Variants in CHD5 observed in about 807,000 individuals in gnomAD.
The protein encoded by CHD5 is chromodomain helicase DNA binding protein 5, also known as ATP-dependent chromatin remodeler CHD5.
In CHD5, 69 loss-of-function variants were observed where a neutral mutation model predicts 230.3. The observed-to-expected ratio is 0.30, with a 90% CI of 0.25 to 0.37. The LOEUF (loss-of-function observed/expected upper bound fraction) is 0.37, where lower values mean the gene tolerates loss of function less well. Among genes scored for constraint, CHD5 ranks in the 10% least tolerant of loss-of-function variants. The pLI is 1.00. For missense variants in CHD5, 1,827 were observed against 2,622.8 expected (o/e 0.70, Z 6.63); for synonymous variants, 1,064 against 1,065.9 (o/e 1.00, Z 0.03).
Position 6,154,369 on chromosome 1 carries a change from C to T in CHD5, c.745+291G>A, listed in dbSNP as rs768400809. ...TGGTCCCGCCCTCCCTCCAGGCCCACGTCGGGGGCACCTCCTGGCTGGCCA... is the reference window on the plus strand; with the variant it reads ...TGGTCCCGCCCTCCCTCCAGGCCCATGTCGGGGGCACCTCCTGGCTGGCCA... On this transcript the variant is annotated intron_variant, in intron 5 of 41. Coordinates refer to ENST00000262450, the MANE Select transcript of CHD5 (RefSeq NM_015557.3). This position sits in a 1 kb window ranked among gnomAD's most constrained non-coding sequence, Gnocchi z 7.0. Among the ~76,000 whole-genome samples the T allele has an allele frequency of 7.2e-5, 11 of 152,322 alleles. No individual in the cohort carries two copies. The highest frequency in any genetic ancestry group is 2.2e-4 in the African/African-American group (9 of 41,572).
rs1468054556 is a variant in CHD5, at chr1:6,134,093, T to C, written c.3144+35A>G. The C allele has an allele frequency of 2.1e-6, 3 of 1,419,136 alleles. No homozygotes were observed. The highest frequency in any genetic ancestry group is 2.8e-5 in the East Asian group (1 of 36,194). 87.9% of individuals were successfully genotyped at this position (1,419,136 alleles called of 1,614,324 possible). On this transcript the variant is annotated intron_variant, in intron 20 of 41. Coordinates refer to ENST00000262450, the MANE Select transcript of CHD5 (RefSeq NM_015557.3). The surrounding 1 kb of genome is among the most constrained non-coding windows in gnomAD (Gnocchi z 6.3). ...AGGGCAGGATGCTCTCTGTGGGGTG[T>C]GGAGCCGGGGCGGGGGTGGGCAGGG...
intron 33 of CHD5, among the ~76,000 whole-genome samples, chr1:6,117,550 A>G (rs923048248): frequency 2.6e-5 from 4 of 152,324 alleles, no homozygotes; most frequent in Non-Finnish European, 5.9e-5. Context: ...TGTCTCTAAA[A>G]GTATTGATTA....
At position 6,125,332 on chromosome 1, in the gene CHD5, T is replaced by A; in HGVS notation, c.4261-99A>T. ...AGAAAAGCATGGGAGGAGGAGAAGG[T>A]AGGAAGGGGGCACAGAGAAGGCAGG... On this transcript the variant is annotated intron_variant, in intron 28 of 41. Coordinates refer to ENST00000262450, the MANE Select transcript of CHD5 (RefSeq NM_015557.3). This position sits in a 1 kb window ranked among gnomAD's most constrained non-coding sequence, Gnocchi z 6.7. 3 of 1,121,730 alleles carry A rather than the reference T, an allele frequency of 2.7e-6. No individual in the cohort carries two copies. The highest frequency in any genetic ancestry group is 2.5e-6 in the Non-Finnish European group (2 of 792,418). The allele number at this position is 1,121,730 out of a possible 1,614,324, so 69.5% of individuals were successfully genotyped here.
At chr1:6,174,169 G>C (rs1005515437) in intron 1 of CHD5, among the ~76,000 whole-genome samples, 1 of 151,958 alleles carries the variant, frequency 6.6e-6, no homozygotes, top group Non-Finnish European at 1.5e-5. Flanking sequence ...AAAACGGCCA[G>C]ACAGAAAGGG....
intron 38 of CHD5, among the ~76,000 whole-genome samples, chr1:6,108,740 A>G: frequency 7.4e-6 from 1 of 135,408 alleles, no homozygotes; most frequent in African/African-American, 2.8e-5. Context: ...GATGATGGAG[A>G]GACAGAGGGA....
chr1:6,162,110 G>A (rs185065133), intron 2 of CHD5, among the ~76,000 whole-genome samples: 71 of 152,230 alleles, frequency 4.7e-4, no homozygotes, highest in African/African-American at 1.2e-3. Context: ...GGCTGGGCGC[G>A]GTGACTCACG....
At chr1:6,122,677 T>C (rs1333554734) in intron 31 of CHD5, among the ~76,000 whole-genome samples, 2 of 152,094 alleles carry the variant, frequency 1.3e-5, no homozygotes, top group African/African-American at 4.8e-5. Flanking sequence ...CGCAAAAACA[T>C]AAAACACAGC....
Position 6,121,750 on chromosome 1 carries a change from G to A in CHD5, c.4700-177C>T, listed in dbSNP as rs2746061. Among the ~76,000 whole-genome samples, 168 of 152,314 alleles carry A rather than the reference G, an allele frequency of 1.1e-3. No individual in the cohort carries two copies. The highest frequency in any genetic ancestry group is 3.4e-3 in the Middle Eastern group (1 of 294). Reference sequence around the variant, plus strand: ...GGCTAAGTCAGAGAGGCCAGGCCAGGCCTTTGACTCAGGAGTGCTTGGAGG... The same window carrying A: ...GGCTAAGTCAGAGAGGCCAGGCCAGACCTTTGACTCAGGAGTGCTTGGAGG... On this transcript the variant is annotated intron_variant, in intron 31 of 41. Transcript: ENST00000262450. The surrounding 1 kb of genome is among the most constrained non-coding windows in gnomAD (Gnocchi z 4.5).
chr1:6,156,511 G>C (rs1667083218), intron 3 of CHD5, among the ~76,000 whole-genome samples: 1 of 148,608 alleles, frequency 6.7e-6, no homozygotes, highest in Non-Finnish European at 1.5e-5. Context: ...ACTCCAGCCT[G>C]GGTGACAGAG....
chr1:6,174,537 A>C (rs1350971908), intron 1 of CHD5, among the ~76,000 whole-genome samples: 1 of 133,310 alleles, frequency 7.5e-6, no homozygotes, highest in African/African-American at 3.3e-5. Flanking sequence ...GGATGGATGG[A>C]TGGCAGATGG....
At chr1:6,179,306 G>A (rs1212374600) in intron 1 of CHD5, among the ~76,000 whole-genome samples, 1 of 152,162 alleles carries the variant, frequency 6.6e-6, no homozygotes, top group Admixed American at 6.5e-5. Flanking sequence ...CGGCGGCCCG[G>A]GTAAAGTGCT....
Position 6,116,935 on chromosome 1 carries a change from CTG to C in CHD5, c.4913-3939_4913-3938del, listed in dbSNP as rs1264066419. ...ACAAATTTGGGAAAGTAAAAACAAA[CTG>C]AAACTAAAATACTGGGCAACAGCAT... On this transcript the variant is annotated intron_variant, in intron 33 of 41. Coordinates refer to ENST00000262450, the MANE Select transcript of CHD5 (RefSeq NM_015557.3). Among the ~76,000 whole-genome samples the C allele has an allele frequency of 2.6e-5, 4 of 152,236 alleles. No homozygotes were observed. The East Asian group carries it at 7.7e-4, about 29-fold the overall frequency.
chr1:6,152,625 T>A, intron 5 of CHD5, 89 bp from the exon 6 acceptor site: 1 of 1,589,332 alleles, frequency 6.3e-7, no homozygotes, highest in Admixed American at 1.7e-5. Flanking sequence ...GGTTACCCAA[T>A]AAGGAAAGGG....
intron 9 of CHD5, among the ~76,000 whole-genome samples, chr1:6,147,479 T>C (rs1385383053): frequency 6.6e-6 from 1 of 152,156 alleles, no homozygotes; most frequent in African/African-American, 2.4e-5. Flanking sequence ...AGGGTGACAG[T>C]GAGCTGCTGG....
chr1:6,128,407 G>GT lies in CHD5; in HGVS notation c.3730+91_3730+92insA, dbSNP rs376448642. On this transcript the variant is annotated intron_variant, in intron 24 of 41. Transcript: ENST00000262450. The surrounding 1 kb of genome is among the most constrained non-coding windows in gnomAD (Gnocchi z 7.8). ...GCCGCCCACCTGGCAGTCCCAGGAC[G>GT]CCCAAGTGAGGGCAGGTCAGGGAAC... 9.1e-4 allele frequency: 1,090 copies of GT among 1,196,522 alleles called. 7 individuals carry two copies. The African/African-American group carries it at 0.014, about 15-fold the overall frequency. 74.1% of individuals were successfully genotyped at this position (1,196,522 alleles called of 1,614,324 possible). A position where few individuals can be genotyped will look rare whatever the true frequency, so the allele number is the denominator to read the frequency against.
In CHD5 at chr1:6,131,171, A is replaced by C. The variant is rs1211772905; in HGVS notation, c.3262+460T>G. The stretch of plus-strand genomic sequence containing the variant: ...CACCGGCAAGACCCTCCTGACCTCC[A>C]CCCTCGCCTCTCCTTCCCAGGCAGG... On this transcript the variant is annotated intron_variant, in intron 21 of 41. Coordinates refer to ENST00000262450, the MANE Select transcript of CHD5 (RefSeq NM_015557.3). The surrounding 1 kb of genome is among the most constrained non-coding windows in gnomAD (Gnocchi z 5.0). Among the ~76,000 whole-genome samples the C allele has an allele frequency of 6.6e-6, 1 of 151,746 alleles. No individual in the cohort carries two copies. The highest frequency in any genetic ancestry group is 1.5e-5 in the Non-Finnish European group (1 of 67,962).
intron 20 of CHD5, among the ~76,000 whole-genome samples, chr1:6,133,505 T>C (rs1327003428): frequency 6.6e-6 from 1 of 152,130 alleles, no homozygotes; most frequent in Non-Finnish European, 1.5e-5. Context: ...AGAGGAGCAT[T>C]TTTAGCCCCA....
rs1272898345 is a variant in CHD5 at position 6,154,071 on chromosome 1, A to G, written c.745+589T>C. Among the ~76,000 whole-genome samples, 1 of 152,076 alleles carries G rather than the reference A, an allele frequency of 6.6e-6. No individual in the cohort carries two copies. Among genetic ancestry groups the G allele is most frequent in the Non-Finnish European group, 1.5e-5 (1 of 67,986 alleles). On this transcript the variant is annotated intron_variant, in intron 5 of 41. Coordinates refer to ENST00000262450, the MANE Select transcript of CHD5 (RefSeq NM_015557.3). The surrounding 1 kb of genome is among the most constrained non-coding windows in gnomAD (Gnocchi z 7.0). ...CGATCTCCTTCCAGGCCTGTCCCAGAACAGCCTCCCTGGGAAGCGAGACCT... is the reference window on the plus strand; with the variant it reads ...CGATCTCCTTCCAGGCCTGTCCCAGGACAGCCTCCCTGGGAAGCGAGACCT...
intron 1 of CHD5, among the ~76,000 whole-genome samples, chr1:6,173,174 GGCTCACTGCAA>G (rs946732994): frequency 1.3e-5 from 2 of 150,872 alleles, no homozygotes; most frequent in African/African-American, 4.9e-5. Flanking sequence ...GCGCGATCTC[GGCTCACTGCAA>G]GCTCCGCCTC....
Sources: gnomAD v4.1 joint callset for allele counts (sites outside exome capture counted in the v4.1 genomes callset) on GRCh38, gnomAD v4.1.1 for gene constraint, Gnocchi (gnomAD v3.1) non-coding constraint, MANE v1.5 for transcripts, NCBI Gene and HGNC (gene_info 2026-07-23, HGNC 2026-07-21) for gene names.